ARAP3: variants seen among roughly 807,000 people sequenced by gnomAD.
ARAP3 encodes ArfGAP with RhoGAP domain, ankyrin repeat and PH domain 3.
A neutral mutation model predicts 169.2 loss-of-function variants in ARAP3; 82 were observed. That is an observed-to-expected ratio of 0.48 (90% confidence interval 0.41 to 0.58). The LOEUF is 0.58. Ranked by LOEUF, ARAP3 falls within the 20% of genes least tolerant of loss-of-function variation. The pLI is 0.00. For missense variants in ARAP3, 1,764 were observed against 2,018.0 expected, an observed-to-expected ratio of 0.87 and a Z score of 2.41; for synonymous variants, 791 against 800.3, an observed-to-expected ratio of 0.99 and a Z score of 0.20.
intron 4 of ARAP3, among the ~76,000 whole-genome samples, chr5:141,675,702 AACAGAGCG>A (rs1180506900): frequency 1.3e-5 from 2 of 151,590 alleles, no homozygotes; most frequent in Non-Finnish European, 2.9e-5. Flanking sequence ...CAGCCTGGGC[AACAGAGCG>A]AGACTCTGTC....
Position 141,675,037 on chromosome 5 carries a change from C to T in ARAP3, c.699-1229G>A, listed in dbSNP as rs192394234. Reference sequence around the variant, plus strand: ...CTGCAAGAACTTGTACAGTGAGGCCCGTAGGCCACTCCCCTGACTGCATCC... The same window carrying T: ...CTGCAAGAACTTGTACAGTGAGGCCTGTAGGCCACTCCCCTGACTGCATCC... On this transcript the variant is annotated intron_variant, in intron 4 of 32. Coordinates refer to ENST00000239440, the MANE Select transcript of ARAP3 (RefSeq NM_022481.6). Among the ~76,000 whole-genome samples the T allele has an allele frequency of 3.4e-3, 511 of 152,318 alleles. 2 individuals carry two copies. The highest frequency in any genetic ancestry group is 4.0e-3 in the Admixed American group (62 of 15,310).
Position 141,658,584 on chromosome 5 carries a change from G to C in ARAP3, c.3406C>G (p.Leu1136Val), listed in dbSNP as rs777970465. The C allele has an allele frequency of 5.0e-6, 8 of 1,613,710 alleles. 2 individuals carry two copies. In the South Asian group the frequency reaches 7.7e-5, roughly 16 times the overall value. Residue 1136 changes from leucine (L) to valine (V), a missense_variant, in exon 24 of 33, where the codon CTG (leucine) becomes GTG (valine). By Grantham distance (32) the Leu-to-Val change is conservative. Coordinates refer to ENST00000239440, the MANE Select transcript of ARAP3 (RefSeq NM_022481.6). ...CCAGTCCCCTCAGGACCAACCTTCA[G>C]GGTGACACAGTTGTCTGGGAGCTGC... ...EQQLPDNCVTLKVSPTLTAEE... is the reference protein window; with the variant it reads ...EQQLPDNCVTVKVSPTLTAEE...
In ARAP3 at chr5:141,672,829, C is replaced by T. The variant is rs373215839; in HGVS notation, c.1190G>A (p.Arg397His). The change falls in exon 8 of 33, where the codon CGC becomes CAC. Residue 397 changes from arginine to histidine, a missense_variant. Arg to His is a conservative substitution (Grantham distance 29). This residue lies in a region of ARAP3 where 630 missense variants were observed against 678.7 expected (regional missense o/e 0.93). Transcript: ENST00000239440. The surrounding 1 kb of genome is among the most constrained non-coding windows in gnomAD (Gnocchi z 4.9). Reference sequence around the variant, plus strand: ...TCCACGCAGCTCCAGCATGCCCGTGCGGAGGGGTCGGGGTGGTTGGGGGGG... The same window carrying T: ...TCCACGCAGCTCCAGCATGCCCGTGTGGAGGGGTCGGGGTGGTTGGGGGGG... ...PRPPQPPRPL[R>H]TGMLELRGHK... is the part of the protein sequence containing the mutation. 124 of 715,036 alleles carry T rather than the reference C, an allele frequency of 1.7e-4. No homozygotes were observed. The Middle Eastern group carries it at 3.3e-3, about 19-fold the overall frequency. 44.3% of individuals were successfully genotyped at this position (715,036 alleles called of 1,614,324 possible).
At chr5:141,668,199 G>A (rs1297057087) in intron 16 of ARAP3, among the ~76,000 whole-genome samples, 1 of 151,578 alleles carries the variant, frequency 6.6e-6, no homozygotes, top group Non-Finnish European at 1.5e-5. Flanking sequence ...TCAAACCTCC[G>A]AGGCTCAAGC....
At chr5:141,665,445 T>C in intron 17 of ARAP3, 71 bp from the exon 18 acceptor site, 2 of 1,511,168 alleles carry the variant, frequency 1.3e-6, no homozygotes, top group Non-Finnish European at 1.8e-6. Context: ...TATTAAATGC[T>C]TAACGTGCAT....
chr5:141,668,027 A>G (rs2099910905), intron 16 of ARAP3, among the ~76,000 whole-genome samples: 1 of 151,988 alleles, frequency 6.6e-6, no homozygotes, highest in African/African-American at 2.4e-5. Context: ...GGGAGACAAG[A>G]GCGAAACTCC....
In ARAP3 at chr5:141,659,453, C is replaced by T. The variant is rs774378488; in HGVS notation, c.3291G>A (p.Gln1097=). The T allele has an allele frequency of 1.2e-6, 2 of 1,614,234 alleles. No homozygotes were observed. Among genetic ancestry groups the T allele is most frequent in the South Asian group, 2.2e-5 (2 of 91,088 alleles). ...VFDIDSDQVA[Q]IDLEVSLITT... ...TGATAAGACTGACCTCCAAGTCAAT[C>T]TGAGCTACCTGGTCAGAATCGATCT... Residue 1097 remains glutamine (Q), a synonymous_variant, in exon 23 of 33, where the codon CAG becomes CAA. Transcript: ENST00000239440.
chr5:141,662,303 C>G, intron 19 of ARAP3, 48 bp from the exon 20 acceptor site: 1 of 1,590,232 alleles, frequency 6.3e-7, no homozygotes, highest in Non-Finnish European at 8.6e-7. Context: ...AAGGCTACCA[C>G]CACCCACCAC....
chr5:141,669,779 C>T lies in ARAP3; in HGVS notation c.2282G>A (p.Gly761Glu), dbSNP rs377450993. ...TGTGCCAAAATGCTGGATCCTCCCC[C>T]CAGCGAGGATGAGCTCAAAGGAAAA... ...FPFSFELILA[G>E]GRIQHFGTDG... The change falls in exon 16 of 33, where the codon GGG becomes GAG. Residue 761 changes from glycine (G) to glutamate (E), a missense_variant. By Grantham distance (98) the Gly-to-Glu change is moderately conservative (BLOSUM62 -2). Coordinates refer to ENST00000239440, the MANE Select transcript of ARAP3 (RefSeq NM_022481.6). The T allele has an allele frequency of 1.7e-5, 28 of 1,613,998 alleles. No homozygotes were observed. Among genetic ancestry groups the T allele is most frequent in the East Asian group, 1.1e-4 (5 of 44,894 alleles).
intron 25 of ARAP3, 108 bp from the exon 26 acceptor site, chr5:141,656,954 TA>T: frequency 7.1e-7 from 1 of 1,408,592 alleles, no homozygotes. Context: ...CACAGACATT[TA>T]TTTTTCACTG....
At chr5:141,666,402 C>T (rs371983014) in intron 17 of ARAP3, 22 bp downstream of exon 17, 52 of 1,507,840 alleles carry the variant, frequency 3.4e-5, no homozygotes, top group Middle Eastern at 3.9e-4. Flanking sequence ...TCATCCCTGT[C>T]CCCCCAAACC....
intron 23 of ARAP3, 22 bp downstream of exon 23, chr5:141,659,386 G>A: frequency 6.2e-7 from 1 of 1,610,330 alleles, no homozygotes; most frequent in Non-Finnish European, 8.5e-7. Flanking sequence ...CCATTCAGGA[G>A]ACTAAGGTCA....
At chr5:141,677,848 G>C (rs1253170059) in intron 4 of ARAP3, among the ~76,000 whole-genome samples, 1 of 151,980 alleles carries the variant, frequency 6.6e-6, no homozygotes, top group Non-Finnish European at 1.5e-5. Context: ...GCAGTGGCAT[G>C]ATCTTGACTT....
chr5:141,673,918 G>A, intron 4 of ARAP3, 110 bp from the exon 5 acceptor site: 1 of 906,600 alleles, frequency 1.1e-6, no homozygotes, highest in Non-Finnish European at 1.6e-6. Context: ...TGCCTGGCAG[G>A]TACTGGATCT....
chr5:141,655,156 T>A (rs920918894), intron 32 of ARAP3, among the ~76,000 whole-genome samples: 8 of 133,532 alleles, frequency 6.0e-5, no homozygotes, highest in East Asian at 2.1e-4. Flanking sequence ...TCTCTCTCTC[T>A]CACACACACA....
Position 141,664,831 on chromosome 5 carries a change from C to T in ARAP3, c.2800+91G>A. 3.6e-6 allele frequency: 5 copies of T among 1,380,094 alleles called. No homozygotes were observed. The South Asian group carries it at 5.2e-5, about 14-fold the overall frequency. 85.5% of individuals were successfully genotyped at this position (1,380,094 alleles called of 1,614,324 possible). Reference sequence around the variant, plus strand: ...GCAAAGCTCTTCCAGGCTGTGCTCACGTTCCACCCTGGCTGTGCTCACGTT... The same window carrying T: ...GCAAAGCTCTTCCAGGCTGTGCTCATGTTCCACCCTGGCTGTGCTCACGTT... On this transcript the variant is annotated intron_variant, in intron 19 of 32. Transcript: ENST00000239440.
In ARAP3 at chr5:141,655,260, C is replaced by CACA. The variant is rs1562401159; in HGVS notation, c.4149+101_4149+102insTGT. ...CACACACACACACACACACACACAC[C>CACA]CCCTGATGGCCTACATGAGGAAAAC... On this transcript the variant is annotated intron_variant, in intron 32 of 32. Transcript: ENST00000239440. 2.3e-3 allele frequency: 1,947 copies of CACA among 834,048 alleles called. 17 individuals carry two copies. Among genetic ancestry groups the CACA allele is most frequent in the African/African-American group, 0.012 (418 of 34,146 alleles). 51.7% of individuals were successfully genotyped at this position (834,048 alleles called of 1,614,324 possible). A position where few individuals can be genotyped will look rare whatever the true frequency, so the allele number is the denominator to read the frequency against.
intron 23 of ARAP3, among the ~76,000 whole-genome samples, chr5:141,658,855 A>T (rs2099909561): frequency 6.6e-6 from 1 of 152,156 alleles, no homozygotes; most frequent in Non-Finnish European, 1.5e-5. Context: ...TTCCCAAGGC[A>T]TCATAGTGGT....
In ARAP3 at chr5:141,659,890, C is replaced by T. The variant is rs1274117037; in HGVS notation, c.3156G>A (p.Thr1052=). The T allele has an allele frequency of 6.9e-6, 11 of 1,584,450 alleles. No homozygotes were observed. Among genetic ancestry groups the T allele is most frequent in the African/African-American group, 2.7e-5 (2 of 74,792 alleles). ...QKCAALNQMC[T]RNLALLFAPS... ...GTGCAAACAGCAGAGCCAAGTTCCG[C>T]GTGCACATCTGGTTTAGAGCCGCAC... is the stretch of plus-strand genomic sequence containing the variant. Residue 1052 remains threonine, a synonymous_variant, in exon 22 of 33, where the codon ACG becomes ACA. Transcript: ENST00000239440.
Sources: gnomAD v4.1 joint callset for allele counts (sites outside exome capture counted in the v4.1 genomes callset) on GRCh38, gnomAD v4.1.1 for gene constraint, gnomAD v4.1.1 regional missense constraint, Gnocchi (gnomAD v3.1) non-coding constraint, MANE v1.5 for transcripts, NCBI Gene and HGNC (gene_info 2026-07-23, HGNC 2026-07-21) for gene names.